Variants in CHST8 observed in about 807,000 individuals in gnomAD.
CHST8 encodes carbohydrate sulfotransferase 8.
A neutral mutation model predicts 15.0 loss-of-function variants in CHST8; 10 were observed. The observed-to-expected ratio is 0.67, with a 90% CI of 0.41 to 1.13. The LOEUF is 1.13. Ranked by LOEUF, CHST8 falls within the 50% of genes most tolerant of loss-of-function variation. CHST8 has a pLI of 0.00. For synonymous variants in CHST8, 259 were observed against 256.6 expected (o/e 1.01, Z -0.09); for missense variants, 634 against 608.2 (o/e 1.04, Z -0.45).
intron 1 of CHST8, among the ~76,000 whole-genome samples, chr19:33,632,139 CTTTT>C (rs60403211): frequency 1.4e-5 from 2 of 138,966 alleles, no homozygotes; most frequent in African/African-American, 5.4e-5. Context: ...CTCTCTCTCT[CTTTT>C]TTTTTTTTTT....
intron 3 of CHST8, among the ~76,000 whole-genome samples, chr19:33,710,605 C>A (rs1432275361): frequency 6.6e-6 from 1 of 152,198 alleles, no homozygotes; most frequent in East Asian, 1.9e-4. Flanking sequence ...TCTGTCTGAT[C>A]TGCTGATCTA....
rs575745152 is a variant in CHST8, at chr19:33,670,145, G to A, written c.-87+2302G>A. ...AAGTTTTTTAGAAGACTTCAACCTT[G>A]TTAGCAAAGTAATTAAGCAGAAAGA... On this transcript the variant is annotated intron_variant, in intron 2 of 4. Coordinates refer to ENST00000650847, the MANE Select transcript of CHST8 (RefSeq NM_001127895.2). 2.6e-5 allele frequency among the ~76,000 whole-genome samples: 4 copies of A among 152,124 alleles called. No homozygotes were observed. The South Asian group carries it at 8.3e-4, about 32-fold the overall frequency.
chr19:33,733,121 G>T lies in CHST8; in HGVS notation c.131-38292G>T, dbSNP rs74694655. ...GCTCCTATACTGAAGCTCTCTAGGAGCCCACCAGGACCCATCTCATTGGCA... is the reference window on the plus strand; with the variant it reads ...GCTCCTATACTGAAGCTCTCTAGGATCCCACCAGGACCCATCTCATTGGCA... On this transcript the variant is annotated intron_variant, in intron 3 of 4. Coordinates refer to ENST00000650847, the MANE Select transcript of CHST8 (RefSeq NM_001127895.2). 1.7e-3 allele frequency among the ~76,000 whole-genome samples: 259 copies of T among 152,164 alleles called. 1 individual carries two copies. Among genetic ancestry groups the T allele is most frequent in the African/African-American group, 5.9e-3 (246 of 41,516 alleles).
At chr19:33,739,916 C>G (rs996550035) in intron 3 of CHST8, among the ~76,000 whole-genome samples, 2 of 152,138 alleles carry the variant, frequency 1.3e-5, no homozygotes, top group East Asian at 3.9e-4. Context: ...GCGGTGCCTC[C>G]TCACACAAAA....
intron 1 of CHST8, among the ~76,000 whole-genome samples, chr19:33,655,594 T>C (rs1235214197): frequency 6.6e-6 from 1 of 152,184 alleles, no homozygotes; most frequent in Non-Finnish European, 1.5e-5. Context: ...CCACATATAT[T>C]TTCCATTCAG....
chr19:33,638,152 C>G (rs17761174), intron 1 of CHST8, among the ~76,000 whole-genome samples: 4,263 of 152,208 alleles, frequency 0.028, 84 homozygotes, highest in East Asian at 0.049. Context: ...TTTTGCTGGT[C>G]GGAAAGTGTT....
At chr19:33,703,536 G>A (rs1002451363) in intron 3 of CHST8, among the ~76,000 whole-genome samples, 3 of 152,246 alleles carry the variant, frequency 2.0e-5, no homozygotes, top group African/African-American at 7.2e-5. Flanking sequence ...GCGTGGGTCG[G>A]TAGGGGCGGG....
intron 1 of CHST8, among the ~76,000 whole-genome samples, chr19:33,649,003 A>C (rs1327441530): frequency 1.4e-5 from 2 of 140,810 alleles, no homozygotes; most frequent in South Asian, 2.2e-4. Flanking sequence ...CCCCAGGTTC[A>C]CACCATTCTC....
chr19:33,689,087 A>G (rs1424002136), intron 2 of CHST8, 89 bp from the exon 3 acceptor site: 5 of 607,284 alleles, frequency 8.2e-6, no homozygotes, highest in Non-Finnish European at 1.3e-5. Flanking sequence ...TCATCCGGGG[A>G]TTGCACTTGG....
chr19:33,634,276 G>A (rs970129908), intron 1 of CHST8, among the ~76,000 whole-genome samples: 12 of 152,170 alleles, frequency 7.9e-5, no homozygotes, highest in African/African-American at 2.7e-4. Flanking sequence ...TGAGTATGCC[G>A]AGGTATCACA....
intron 3 of CHST8, among the ~76,000 whole-genome samples, chr19:33,730,317 G>T (rs1401628849): frequency 6.6e-6 from 1 of 152,244 alleles, no homozygotes; most frequent in African/African-American, 2.4e-5. Context: ...GAAGCAGGGA[G>T]ACCTCTTGGG....
intron 3 of CHST8, among the ~76,000 whole-genome samples, chr19:33,764,469 C>T (rs945639220): frequency 3.3e-5 from 5 of 152,204 alleles, no homozygotes; most frequent in Admixed American, 2.6e-4. Flanking sequence ...CACTGCACTC[C>T]AGCCTGGGTG....
chr19:33,704,318 A>G (rs1050393001), intron 3 of CHST8, among the ~76,000 whole-genome samples: 22 of 152,326 alleles, frequency 1.4e-4, no homozygotes, highest in African/African-American at 3.4e-4. Context: ...ACAGCCATTT[A>G]TGAGTGCATT....
At position 33,656,301 on chromosome 19, in the gene CHST8, G is replaced by A. The variant is rs192804183; in HGVS notation, c.-163-11466G>A. 2.7e-3 allele frequency among the ~76,000 whole-genome samples: 407 copies of A among 151,968 alleles called. 1 individual carries two copies. Among genetic ancestry groups the A allele is most frequent in the Middle Eastern group, 6.8e-3 (2 of 294 alleles). ...TTATTTTTTATACCACTAAAGAAGGGAAAAAGAAAAAACCCATTGCTTATT... is the reference window on the plus strand; with the variant it reads ...TTATTTTTTATACCACTAAAGAAGGAAAAAAGAAAAAACCCATTGCTTATT... On this transcript the variant is annotated intron_variant, in intron 1 of 4. Transcript: ENST00000650847.
At chr19:33,641,223 C>T (rs1314083655) in intron 1 of CHST8, among the ~76,000 whole-genome samples, 1 of 152,180 alleles carries the variant, frequency 6.6e-6, no homozygotes, top group Admixed American at 6.5e-5. Context: ...GCAACTCAGC[C>T]CAAGATCCTG....
intron 3 of CHST8, among the ~76,000 whole-genome samples, chr19:33,743,781 CTTTTTTCT>C (rs1278346015): frequency 7.1e-6 from 1 of 140,210 alleles, no homozygotes; most frequent in Non-Finnish European, 1.5e-5. Context: ...TTGTGTTCTG[CTTTTTTCT>C]TTTTTTCTTT....
At chr19:33,754,766 G>A (rs1436792145) in intron 3 of CHST8, among the ~76,000 whole-genome samples, 6 of 152,248 alleles carry the variant, frequency 3.9e-5, no homozygotes, top group Admixed American at 3.9e-4. Context: ...AGCTGGGAGA[G>A]CAAGGCTACC....
intron 3 of CHST8, among the ~76,000 whole-genome samples, chr19:33,732,085 C>G (rs1974005429): frequency 2.0e-5 from 3 of 152,206 alleles, no homozygotes; most frequent in African/African-American, 7.2e-5. Context: ...AGTTCAGCTG[C>G]ATACCGACTG....
intron 3 of CHST8, among the ~76,000 whole-genome samples, chr19:33,734,908 C>T (rs1445679103): frequency 3.9e-5 from 6 of 152,150 alleles, no homozygotes; most frequent in Non-Finnish European, 8.8e-5. Context: ...CATCCCCTGA[C>T]CCCAGCATCA....
Sources: gnomAD v4.1 joint callset for allele counts (sites outside exome capture counted in the v4.1 genomes callset) on GRCh38, gnomAD v4.1.1 for gene constraint, MANE v1.5 for transcripts, NCBI Gene and HGNC (gene_info 2026-07-23, HGNC 2026-07-21) for gene names.